Variants in HARS1 observed in about 807,000 individuals in gnomAD.
HARS1 encodes histidine--tRNA ligase, cytoplasmic.
In HARS1, 45 loss-of-function variants were observed where a neutral mutation model predicts 63.6. That is an observed-to-expected ratio of 0.71 (90% confidence interval 0.56 to 0.91). The LOEUF (loss-of-function observed/expected upper bound fraction) is 0.91, where lower values mean the gene tolerates loss of function less well. Among genes scored for constraint, HARS1 ranks in the 40% least tolerant of loss-of-function variants. The pLI, the probability that HARS1 is intolerant of heterozygous loss-of-function variation, is 0.00. For synonymous variants in HARS1, 205 were observed against 247.1 expected (o/e 0.83, Z 1.60); for missense variants, 508 against 643.2 (o/e 0.79, Z 2.27).
chr5:140,679,834 A>C lies in HARS1; in HGVS notation c.350T>G (p.Leu117Arg), dbSNP rs1196636854. 6.2e-7 allele frequency: 1 copy of C among 1,610,632 alleles called. No homozygotes were observed. The highest frequency in any genetic ancestry group is 8.5e-7 in the Non-Finnish European group (1 of 1,176,900). ...CAGGAGCTCCCCGCCCTGGTCCTTC[A>C]GGTCATAGATAAGCTTGGAGTCTTC... is the stretch of plus-strand genomic sequence containing the variant. ...YGEDSKLIYDLKDQGGELLSL... is the reference protein window; with the variant it reads ...YGEDSKLIYDRKDQGGELLSL... The change falls in exon 4 of 13, where the codon CTG becomes CGG. Residue 117 changes from leucine to arginine, a missense_variant. Leu to Arg is a moderately radical substitution (Grantham distance 102). Around this residue, in one of 2 missense-constraint regions of HARS1, gnomAD observed 403 missense variants for 548.7 expected, o/e 0.73. Transcript: ENST00000504156. This position sits in a 1 kb window ranked among gnomAD's most constrained non-coding sequence, Gnocchi z 4.3.
At chr5:140,687,288 G>A (rs1365557802) in intron 2 of HARS1, 1 of 152,224 alleles carries the variant, frequency 6.6e-6, no homozygotes, top group Non-Finnish European at 1.5e-5. Context: ...GGGAGGCCAA[G>A]GTGGGCAGAT....
rs994625129 is a variant in HARS1, at chr5:140,679,321, A to G, written c.397-194T>C. 9.0e-6 allele frequency: 5 copies of G among 553,734 alleles called. No individual in the cohort carries two copies. In the African/African-American group the frequency reaches 9.6e-5, roughly 11 times the overall value. 34.3% of individuals were successfully genotyped at this position (553,734 alleles called of 1,614,324 possible). ...GGTAGCTGAAGGCTCAAAAAAGATTAAGGCACCTTTCCCTTTTGTAGTGTT... is the reference window on the plus strand; with the variant it reads ...GGTAGCTGAAGGCTCAAAAAAGATTGAGGCACCTTTCCCTTTTGTAGTGTT... On this transcript the variant is annotated intron_variant, in intron 4 of 12. Coordinates refer to ENST00000504156, the MANE Select transcript of HARS1 (RefSeq NM_002109.6). This position sits in a 1 kb window ranked among gnomAD's most constrained non-coding sequence, Gnocchi z 4.3.
At chr5:140,677,575 T>C in intron 7 of HARS1, 80 bp downstream of exon 7, 3 of 1,044,074 alleles carry the variant, frequency 2.9e-6, no homozygotes, top group Non-Finnish European at 4.5e-6. Flanking sequence ...GGCATGCACC[T>C]CTCTCTCTCT....
At chr5:140,682,200 T>C (rs1198417148) in intron 3 of HARS1, among the ~76,000 whole-genome samples, 2 of 151,882 alleles carry the variant, frequency 1.3e-5, no homozygotes, top group South Asian at 2.1e-4. Context: ...CTGGGCAACA[T>C]AGCAAGACCT....
chr5:140,685,037 A>G (rs1232185446), intron 2 of HARS1: 2 of 152,180 alleles, frequency 1.3e-5, no homozygotes, highest in African/African-American at 2.4e-5. Flanking sequence ...CCTTACACAG[A>G]TATGTAGTTG....
chr5:140,690,961 G>A lies in HARS1; in HGVS notation c.91-17C>T, dbSNP rs373242229. 8.2e-6 allele frequency: 12 copies of A among 1,457,766 alleles called. No homozygotes were observed. Among genetic ancestry groups the A allele is most frequent in the African/African-American group, 1.4e-5 (1 of 71,732 alleles). The allele number at this position is 1,457,766 out of a possible 1,614,324, so 90.3% of individuals were successfully genotyped here. A position where few individuals can be genotyped will look rare whatever the true frequency, so the allele number is the denominator to read the frequency against. On this transcript the variant is annotated splice_polypyrimidine_tract_variant and intron_variant, in intron 1 of 12. Coordinates refer to ENST00000504156, the MANE Select transcript of HARS1 (RefSeq NM_002109.6). ...CTCCTCGATCTGTGGAGGGAAAGAA[G>A]GCGCTGAGCTATCCATCTGTCACTC... is the stretch of plus-strand genomic sequence containing the variant.
At position 140,677,896 on chromosome 5, in the gene HARS1, G is replaced by T. The variant is rs760967356; in HGVS notation, c.630+12C>A. On this transcript the variant is annotated intron_variant, in intron 6 of 12. Coordinates refer to ENST00000504156, the MANE Select transcript of HARS1 (RefSeq NM_002109.6). ...GGCCCAACTTTGCCCTCCCAGCCTT[G>T]TCAGCTCTGACCTTGACCAGGAAGT... The T allele has an allele frequency of 6.3e-7, 1 of 1,578,168 alleles. No individual in the cohort carries two copies. The highest frequency in any genetic ancestry group is 1.7e-5 in the Admixed American group (1 of 59,908).
chr5:140,679,221 T>C lies in HARS1; in HGVS notation c.397-94A>G. 1.6e-6 allele frequency: 2 copies of C among 1,268,424 alleles called. No individual in the cohort carries two copies. Among genetic ancestry groups the C allele is most frequent in the South Asian group, 2.6e-5 (2 of 76,260 alleles). 78.6% of individuals were successfully genotyped at this position (1,268,424 alleles called of 1,614,324 possible). A position where few individuals can be genotyped will look rare whatever the true frequency, so the allele number is the denominator to read the frequency against. On this transcript the variant is annotated intron_variant, in intron 4 of 12. Transcript: ENST00000504156. This position sits in a 1 kb window ranked among gnomAD's most constrained non-coding sequence, Gnocchi z 4.3. ...GAAGCTGGGGTCTAACCCCTCCCTATGTGGGTAAAACTGCCACCCATAAGA... is the reference window on the plus strand; with the variant it reads ...GAAGCTGGGGTCTAACCCCTCCCTACGTGGGTAAAACTGCCACCCATAAGA...
Position 140,675,130 on chromosome 5 carries a change from A to G in HARS1, c.1198T>C (p.Leu400=). The G allele has an allele frequency of 6.3e-7, 1 of 1,583,058 alleles. No individual in the cohort carries two copies. The highest frequency in any genetic ancestry group is 8.7e-7 in the Non-Finnish European group (1 of 1,152,062). ...FSIVEQRLEA[L]EEKIRTTETQ... ...TCCGTGGTCCGTATCTTCTCCTCCA[A>G]AGCCTGGGGAAGGGGCAGATAAAAG... Residue 400 remains leucine, a synonymous_variant, in exon 11 of 13, where the codon TTG becomes CTG. Coordinates refer to ENST00000504156, the MANE Select transcript of HARS1 (RefSeq NM_002109.6).
Position 140,691,318 on chromosome 5 carries a change from T to C in HARS1, c.-14A>G. On this transcript the variant is annotated 5_prime_UTR_variant, in exon 1 of 13. Coordinates refer to ENST00000504156, the MANE Select transcript of HARS1 (RefSeq NM_002109.6). Reference sequence around the variant, plus strand: ...ACGCTCTGCCATCCCGGCTGTCCACTTGAGCCGCCTGCTGTCTCGACCTGC... The same window carrying C: ...ACGCTCTGCCATCCCGGCTGTCCACCTGAGCCGCCTGCTGTCTCGACCTGC... 6.3e-7 allele frequency: 1 copy of C among 1,593,180 alleles called. No individual in the cohort carries two copies. Among genetic ancestry groups the C allele is most frequent in the Non-Finnish European group, 8.5e-7 (1 of 1,172,328 alleles).
In HARS1 at chr5:140,679,731, G is replaced by T; in HGVS notation, c.396+57C>A. 1.2e-6 allele frequency: 1 copy of T among 858,442 alleles called. No homozygotes were observed. Among genetic ancestry groups the T allele is most frequent in the Non-Finnish European group, 2.0e-6 (1 of 512,522 alleles). 53.2% of individuals were successfully genotyped at this position (858,442 alleles called of 1,614,324 possible). A position where few individuals can be genotyped will look rare whatever the true frequency, so the allele number is the denominator to read the frequency against. On this transcript the variant is annotated intron_variant, in intron 4 of 12. Transcript: ENST00000504156. This position sits in a 1 kb window ranked among gnomAD's most constrained non-coding sequence, Gnocchi z 4.3. The stretch of plus-strand genomic sequence containing the variant: ...TACCTACTCTACCATTCTTAAACCT[G>T]AGCCAAGTGAGTGCCAATCCATCCA...
chr5:140,690,536 A>G lies in HARS1; in HGVS notation c.180+319T>C, dbSNP rs959910907. On this transcript the variant is annotated intron_variant, in intron 2 of 12. Coordinates refer to ENST00000504156, the MANE Select transcript of HARS1 (RefSeq NM_002109.6). ...TGTAAGCTCCATGAGGGTAGGCTAT[A>G]TTGTCCACCATGGTATATATTCAGT... Among the ~76,000 whole-genome samples, 4 of 152,294 alleles carry G rather than the reference A, an allele frequency of 2.6e-5. No individual in the cohort carries two copies. In the East Asian group the frequency reaches 5.8e-4, roughly 22 times the overall value.
Position 140,674,090 on chromosome 5 carries a change from TA to T in HARS1, c.*166del. ...TGTTGTACCTGGCCGTTTTTGCCAG[TA>T]ATAATCAATAAAATAACCATAATAA... On this transcript the variant is annotated 3_prime_UTR_variant, in exon 13 of 13. Coordinates refer to ENST00000504156, the MANE Select transcript of HARS1 (RefSeq NM_002109.6). 1 of 692,764 alleles carries T rather than the reference TA, an allele frequency of 1.4e-6. No individual in the cohort carries two copies. The highest frequency in any genetic ancestry group is 2.7e-6 in the Non-Finnish European group (1 of 375,682). 42.9% of individuals were successfully genotyped at this position (692,764 alleles called of 1,614,324 possible). A position where few individuals can be genotyped will look rare whatever the true frequency, so the allele number is the denominator to read the frequency against.
chr5:140,674,624 C>A, intron 12 of HARS1, 55 bp downstream of exon 12: 1 of 1,598,476 alleles, frequency 6.3e-7, no homozygotes, highest in Non-Finnish European at 8.6e-7. Context: ...GGGCATGGGC[C>A]TGCCAAAATG....
chr5:140,683,443 G>T, intron 2 of HARS1: 10 of 1,015,534 alleles, frequency 9.8e-6, no homozygotes, highest in South Asian at 5.1e-5. Flanking sequence ...TTTAAGTTTG[G>T]GTCTATTTTC....
At position 140,676,800 on chromosome 5, in the gene HARS1, C is replaced by A; in HGVS notation, c.1048G>T (p.Glu350Ter). 3 of 1,614,286 alleles carry A rather than the reference C, an allele frequency of 1.9e-6. No homozygotes were observed. Among genetic ancestry groups the A allele is most frequent in the Non-Finnish European group, 1.7e-6 (2 of 1,180,052 alleles). The stretch of plus-strand genomic sequence containing the variant: ...GCCACACTGCCCACACCCAGGGGCT[C>A]TTCCCCTGCCTGGGCTGGGGTCTGT... ...LLQTPAQAGE[E>*]PLGVGSVAAG... Residue 350 changes from glutamate to a stop codon, truncating the protein, a stop_gained, in exon 10 of 13, where the codon GAG (glutamate) becomes TAG (stop). Coordinates refer to ENST00000504156, the MANE Select transcript of HARS1 (RefSeq NM_002109.6). LOFTEE classifies it high-confidence loss of function. The surrounding 1 kb of genome is among the most constrained non-coding windows in gnomAD (Gnocchi z 4.1).
At position 140,679,001 on chromosome 5, in the gene HARS1, C is replaced by G; in HGVS notation, c.522+1G>C. On this transcript the variant is annotated splice_donor_variant, in intron 5 of 12. Coordinates refer to ENST00000504156, the MANE Select transcript of HARS1 (RefSeq NM_002109.6). LOFTEE classifies it high-confidence loss of function. The surrounding 1 kb of genome is among the most constrained non-coding windows in gnomAD (Gnocchi z 4.3). ...CTGCCCCACGGTTTCCCAACACTCA[C>G]ACACTGGTAGAATTCCCGGTATCGG... 6.2e-7 allele frequency: 1 copy of G among 1,613,646 alleles called. No individual in the cohort carries two copies. The highest frequency in any genetic ancestry group is 8.5e-7 in the Non-Finnish European group (1 of 1,179,700).
Position 140,677,436 on chromosome 5 carries a change from C to T in HARS1, c.730-16G>A, listed in dbSNP as rs749784586. On this transcript the variant is annotated splice_polypyrimidine_tract_variant and intron_variant, in intron 7 of 12. Transcript: ENST00000504156. ...CCCAGGACACCTAGGCAGACAGACA[C>T]CAGTCAGGGACCCCTGGGCAGCTTC... 6.3e-6 allele frequency: 10 copies of T among 1,587,450 alleles called. No individual in the cohort carries two copies. Among genetic ancestry groups the T allele is most frequent in the Non-Finnish European group, 8.7e-6 (10 of 1,155,772 alleles).
At chr5:140,683,592 G>A (rs1758844954) in intron 2 of HARS1, 2 of 661,198 alleles carry the variant, frequency 3.0e-6, no homozygotes, top group South Asian at 5.3e-5. Context: ...AGCACTTCGG[G>A]AGGCCAAGGC....
Sources: allele counts gnomAD v4.1 joint callset (sites outside exome capture counted in the v4.1 genomes callset), GRCh38; gene constraint gnomAD v4.1.1; regional missense constraint gnomAD v4.1.1; non-coding constraint Gnocchi (gnomAD v3.1); transcripts MANE v1.5; gene names NCBI Gene and HGNC (gene_info 2026-07-23, HGNC 2026-07-21).